Variants in RTN2 observed in about 807,000 individuals in gnomAD.
RTN2 encodes reticulon 2, also known as reticulon-2.
RTN2 carries 36 observed loss-of-function variants against 63.7 expected under a neutral mutation model. The ratio of observed to expected loss-of-function variants is 0.56; its 90% CI spans 0.43 to 0.75. The LOEUF is 0.75. RTN2 is among the 30% of genes least tolerant of loss of function. RTN2 has a pLI of 0.00. For synonymous variants in RTN2, 312 were observed against 313.0 expected, an observed-to-expected ratio of 1.00 and a Z score of 0.03; for missense variants, 673 against 705.1, an observed-to-expected ratio of 0.95 and a Z score of 0.52.
At chr19:45,493,484 G>C in intron 4 of RTN2, 106 bp from the exon 5 acceptor site, 1 of 833,426 alleles carries the variant, frequency 1.2e-6, no homozygotes, top group South Asian at 1.5e-5. Context: ...AATAGAGATC[G>C]AGTCTCCCTA....
In RTN2 at chr19:45,486,132, G is replaced by T. The variant is rs754546949; in HGVS notation, c.1498-19C>A. 8.7e-6 allele frequency: 14 copies of T among 1,611,636 alleles called. No homozygotes were observed. The highest frequency in any genetic ancestry group is 1.2e-5 in the Non-Finnish European group (14 of 1,178,056). The stretch of plus-strand genomic sequence containing the variant: ...TCTGAGCCTGGGGAGACCAAAGAAA[G>T]GTGAAAGAAGGGATTGGAGGGGTTT... On this transcript the variant is annotated intron_variant, in intron 9 of 10. Coordinates refer to ENST00000245923, the MANE Select transcript of RTN2 (RefSeq NM_005619.5).
At chr19:45,490,129 G>A (rs1013778990) in intron 5 of RTN2, among the ~76,000 whole-genome samples, 2 of 152,082 alleles carry the variant, frequency 1.3e-5, no homozygotes, top group South Asian at 4.1e-4. Context: ...AGCCTTCTAA[G>A]TAGCTGGGAT....
chr19:45,489,364 TC>T lies in RTN2; in HGVS notation c.1222del (p.Asp408MetfsTer16), dbSNP rs1968100591. ...TTCTCACTGGAAAGGGTTGGCTCCA[TC>T]CCCCCGGTGCACGGCCTGCAGCACT... is the stretch of plus-strand genomic sequence containing the variant. ...RKVLQAVHRG[D>X]GANPFQAYLD... On this transcript the variant is annotated frameshift_variant, in exon 6 of 11. Transcript: ENST00000245923. LOFTEE classifies it high-confidence loss of function. The T allele has an allele frequency of 2.5e-6, 4 of 1,568,768 alleles. No homozygotes were observed. The highest frequency in any genetic ancestry group is 2.6e-6 in the Non-Finnish European group (3 of 1,157,466).
intron 1 of RTN2, among the ~76,000 whole-genome samples, chr19:45,495,872 T>C (rs1968258513): frequency 6.6e-6 from 1 of 152,186 alleles, no homozygotes; most frequent in East Asian, 1.9e-4. Flanking sequence ...GTCCTCCCTT[T>C]GTAATCTGAA....
Position 45,489,527 on chromosome 19 carries a change from T to C in RTN2, c.1060A>G (p.Thr354Ala). Reference sequence around the variant, plus strand: ...GTGAAGACCACTCCTGACGTCCTCGTGTCCTTCCAGTACAGCAGGTCCGCC... The same window carrying C: ...GTGAAGACCACTCCTGACGTCCTCGCGTCCTTCCAGTACAGCAGGTCCGCC... ...KVADLLYWKD[T>A]RTSGVVFTGL... The change falls in exon 6 of 11, where the codon ACG becomes GCG. Residue 354 changes from threonine (T) to alanine (A), a missense_variant. Transcript: ENST00000245923. The C allele has an allele frequency of 6.2e-7, 1 of 1,607,156 alleles. No individual in the cohort carries two copies. Among genetic ancestry groups the C allele is most frequent in the South Asian group, 1.1e-5 (1 of 89,604 alleles).
chr19:45,494,682 G>A lies in RTN2; in HGVS notation c.403C>T (p.Arg135Cys), dbSNP rs570062973. 2.5e-6 allele frequency: 4 copies of A among 1,613,694 alleles called. No homozygotes were observed. The highest frequency in any genetic ancestry group is 1.1e-5 in the South Asian group (1 of 91,088). ...CGAAGCCTCAGGTCTTCCAGAGGGC[G>A]CTCGGATGGAGGCGCGGTGTCAGGA... ...GDPDTAPPSE[R>C]PLEDLRLRLD... The change falls in exon 3 of 11, where the codon CGC (arginine) becomes TGC (cysteine). Residue 135 changes from arginine to cysteine, a missense_variant. Arg to Cys is a radical substitution (Grantham distance 180). Transcript: ENST00000245923. This position sits in a 1 kb window ranked among gnomAD's most constrained non-coding sequence, Gnocchi z 5.3.
rs779485336 is a variant in RTN2 at position 45,488,502 on chromosome 19, A to T, written c.1466T>A (p.Phe489Tyr). The change falls in exon 9 of 11, where the codon TTC becomes TAC. Residue 489 changes from phenylalanine to tyrosine, a missense_variant. Phe to Tyr is a conservative substitution (Grantham distance 22). Coordinates refer to ENST00000245923, the MANE Select transcript of RTN2 (RefSeq NM_005619.5). ...TLLILGVIGL[F>Y]TIPLLYRQHQ... Reference sequence around the variant, plus strand: ...CTGCCGGTACAGCAGGGGGATGGTGAATAGACCAATCACTCCTGTGGGTAC... The same window carrying T: ...CTGCCGGTACAGCAGGGGGATGGTGTATAGACCAATCACTCCTGTGGGTAC... 6.2e-7 allele frequency: 1 copy of T among 1,613,980 alleles called. No homozygotes were observed. Among genetic ancestry groups the T allele is most frequent in the Non-Finnish European group, 8.5e-7 (1 of 1,179,950 alleles).
At chr19:45,486,032 C>G in intron 10 of RTN2, 23 bp downstream of exon 10, 1 of 1,611,786 alleles carries the variant, frequency 6.2e-7, no homozygotes, top group East Asian at 2.2e-5. Flanking sequence ...CCCCTCCCAT[C>G]GACCTCCGCC....
In RTN2 at chr19:45,495,393, T is replaced by G. The variant is rs3786827; in HGVS notation, c.35-254A>C. On this transcript the variant is annotated intron_variant, in intron 1 of 10. Transcript: ENST00000245923. ...TTCATTCATTCGTTCAACAACCACT[T>G]ATTGAGCACCTACTATGTGCCAGGC... Among the ~76,000 whole-genome samples, 28 of 152,292 alleles carry G rather than the reference T, an allele frequency of 1.8e-4. No individual in the cohort carries two copies. In the East Asian group the frequency reaches 5.0e-3, roughly 27 times the overall value.
In RTN2 at chr19:45,489,545, G is replaced by A; in HGVS notation, c.1042C>T (p.Leu348=). The A allele has an allele frequency of 3.1e-6, 5 of 1,598,046 alleles. No individual in the cohort carries two copies. The highest frequency in any genetic ancestry group is 3.4e-6 in the Non-Finnish European group (4 of 1,172,684). The part of the protein sequence containing the change: ...GADMGSKVAD[L]LYWKDTRTSG... ...GTCCTCGTGTCCTTCCAGTACAGCA[G>A]GTCCGCCACTGTGGAGGGGTGGGGG... Residue 348 remains leucine (L), a synonymous_variant, in exon 6 of 11, where the codon CTG becomes TTG. Coordinates refer to ENST00000245923, the MANE Select transcript of RTN2 (RefSeq NM_005619.5).
At chr19:45,489,586 C>T (rs1968108722) in intron 5 of RTN2, 33 bp from the exon 6 acceptor site, 2 of 1,522,440 alleles carry the variant, frequency 1.3e-6, no homozygotes, top group African/African-American at 1.4e-5. Context: ...AGGGCTTGTA[C>T]CTGACCTGGC....
rs1195058498 is a variant in RTN2 at position 45,488,583 on chromosome 19, G to A, written c.1450+54C>T. 1.4e-5 allele frequency: 22 copies of A among 1,613,024 alleles called. No individual in the cohort carries two copies. In the Middle Eastern group the frequency reaches 4.9e-4, roughly 36 times the overall value. Reference sequence around the variant, plus strand: ...GATGAACAGTTCCATCTGGAGCCCTGTCCCCCACCAGACTCCAAGTCCCCA... The same window carrying A: ...GATGAACAGTTCCATCTGGAGCCCTATCCCCCACCAGACTCCAAGTCCCCA... On this transcript the variant is annotated intron_variant, in intron 8 of 10. Coordinates refer to ENST00000245923, the MANE Select transcript of RTN2 (RefSeq NM_005619.5).
chr19:45,492,470 G>A (rs920408531), intron 5 of RTN2, among the ~76,000 whole-genome samples: 1 of 152,122 alleles, frequency 6.6e-6, no homozygotes, highest in East Asian at 1.9e-4. Context: ...CCCAGGTGTT[G>A]GAGGCTGCAG....
rs754584505 is a variant in RTN2 at position 45,493,140 on chromosome 19, A to C, written c.1033+20T>G. 1 of 1,609,454 alleles carries C rather than the reference A, an allele frequency of 6.2e-7. No individual in the cohort carries two copies. Among genetic ancestry groups the C allele is most frequent in the African/African-American group, 1.3e-5 (1 of 74,910 alleles). On this transcript the variant is annotated intron_variant, in intron 5 of 10. Transcript: ENST00000245923. ...GTTCCGCCGACCTCAGCCCCCGTCC[A>C]GCCCGTTCCGCAAGCCCACCTTTAC... is the stretch of plus-strand genomic sequence containing the variant.
chr19:45,488,741 G>A (rs780431176), intron 7 of RTN2, 35 bp from the exon 8 acceptor site: 79 of 1,608,116 alleles, frequency 4.9e-5, no homozygotes, highest in Non-Finnish European at 6.0e-5. Context: ...AGAGCCCACC[G>A]GGAATTCCCT....
chr19:45,488,894 T>C lies in RTN2; in HGVS notation c.1334A>G (p.Gln445Arg). The C allele has an allele frequency of 6.2e-7, 1 of 1,606,968 alleles. No individual in the cohort carries two copies. The highest frequency in any genetic ancestry group is 1.3e-5 in the African/African-American group (1 of 74,998). Residue 445 changes from glutamine (Q) to arginine (R), a missense_variant, in exon 7 of 11, where the codon CAG (glutamine) becomes CGG (arginine). Coordinates refer to ENST00000245923, the MANE Select transcript of RTN2 (RefSeq NM_005619.5). ...ITSRVVSAAT[Q>R]LRHFFLVEDL... ...TTCTACCAGGAAGAAGTGCCGCAGC[T>C]GCGTGGCCGCCGAGACCACGCGGGA...
intron 5 of RTN2, among the ~76,000 whole-genome samples, chr19:45,490,162 C>T (rs1470538759): frequency 1.3e-5 from 2 of 151,794 alleles, no homozygotes; most frequent in African/African-American, 2.4e-5. Context: ...CCACCATTCC[C>T]GGCTAATTTT....
At chr19:45,487,031 C>G (rs990619957) in intron 9 of RTN2, among the ~76,000 whole-genome samples, 5 of 80,346 alleles carry the variant, frequency 6.2e-5, no homozygotes, top group Middle Eastern at 8.8e-3. Flanking sequence ...CCATGCCCAG[C>G]CTTTTTTTTT....
Position 45,494,762 on chromosome 19 carries a change from C to G in RTN2, c.323G>C (p.Ser108Thr), listed in dbSNP as rs1393250242. ...DQHPQPSLGD[S>T]LESIPSLSQS... The stretch of plus-strand genomic sequence containing the variant: ...GCTCAGGCTGGGGATGCTCTCCAAG[C>G]TGTCGCCCAGGCTGGGCTGAGGGTG... Residue 108 changes from serine to threonine, a missense_variant, in exon 3 of 11, where the codon AGC becomes ACC. By Grantham distance (58) the Ser-to-Thr change is moderately conservative. Coordinates refer to ENST00000245923, the MANE Select transcript of RTN2 (RefSeq NM_005619.5). The surrounding 1 kb of genome is among the most constrained non-coding windows in gnomAD (Gnocchi z 5.3). The G allele has an allele frequency of 6.2e-7, 1 of 1,608,548 alleles. No individual in the cohort carries two copies. Among genetic ancestry groups the G allele is most frequent in the Non-Finnish European group, 8.5e-7 (1 of 1,179,958 alleles).
Sources: gnomAD v4.1 joint callset for allele counts (sites outside exome capture counted in the v4.1 genomes callset) on GRCh38, gnomAD v4.1.1 for gene constraint, Gnocchi (gnomAD v3.1) non-coding constraint, MANE v1.5 for transcripts, NCBI Gene and HGNC (gene_info 2026-07-23, HGNC 2026-07-21) for gene names.